The following PRDM16 variants were observed in gnomAD, a reference collection of about 807,000 sequenced individuals.
PRDM16 encodes the protein histone-lysine N-methyltransferase PRDM16.
Under a neutral mutation model 110.6 loss-of-function variants are expected in PRDM16, and 23 were observed. That is an observed-to-expected ratio of 0.21 (90% CI 0.15 to 0.29). PRDM16 has a LOEUF of 0.29. Among genes scored for constraint, PRDM16 ranks in the 10% least tolerant of loss-of-function variants. The pLI, the probability that PRDM16 is intolerant of heterozygous loss-of-function variation, is 1.00. For synonymous variants in PRDM16, 799 were observed against 781.8 expected (o/e 1.02, Z -0.37); for missense variants, 1,615 against 1,794.3 (o/e 0.90, Z 1.81).
rs755193238 is a variant in PRDM16 at position 3,411,679 on chromosome 1, C to T, written c.1482C>T (p.His494=). The change falls in exon 9 of 17, where the codon CAC becomes CAT. Residue 494 remains histidine, a synonymous_variant. Coordinates refer to ENST00000270722, the MANE Select transcript of PRDM16 (RefSeq NM_022114.4). Reference sequence around the variant, plus strand: ...ACGAGTACTTTCCCTCCAGGCCGCACCCGGGGAGCCTGCCCTTCTCCACGG... The same window carrying T: ...ACGAGTACTTTCCCTCCAGGCCGCATCCGGGGAGCCTGCCCTTCTCCACGG... The part of the protein sequence containing the change: ...GFNEYFPSRP[H]PGSLPFSTAP... The T allele has an allele frequency of 3.7e-6, 6 of 1,611,210 alleles. No homozygotes were observed. In the African/African-American group the frequency reaches 8.0e-5, roughly 22 times the overall value.
At chr1:3,320,287 G>C (rs1011540472) in intron 3 of PRDM16, among the ~76,000 whole-genome samples, 2 of 152,222 alleles carry the variant, frequency 1.3e-5, no homozygotes, top group Non-Finnish European at 2.9e-5. Context: ...GACGCATTGG[G>C]ATTTTCATGG....
intron 1 of PRDM16, among the ~76,000 whole-genome samples, chr1:3,093,045 G>T (rs1464082706): frequency 1.3e-5 from 2 of 152,180 alleles, no homozygotes; most frequent in Admixed American, 6.5e-5. Context: ...GGAACATGGG[G>T]CCAGCCCTGG....
chr1:3,437,292 G>A lies in PRDM16; in HGVS notation c.*3481G>A, dbSNP rs1206796252. On this transcript the variant is annotated 3_prime_UTR_variant, in exon 17 of 17. Transcript: ENST00000270722. ...CAGAGTCCAGCCCTGGAAATTCCAA[G>A]GGCCCTGGCGTCCTCTGCCTTCCCC... The A allele has an allele frequency of 4.3e-6, 1 of 232,770 alleles. No homozygotes were observed. Among genetic ancestry groups the A allele is most frequent in the African/African-American group, 2.2e-5 (1 of 45,314 alleles). The allele number at this position is 232,770 out of a possible 1,614,324, so 14.4% of individuals were successfully genotyped here.
chr1:3,291,065 C>T (rs959022709), intron 3 of PRDM16, among the ~76,000 whole-genome samples: 8 of 152,040 alleles, frequency 5.3e-5, no homozygotes, highest in Middle Eastern at 3.4e-3. Context: ...CAGGCAGCAC[C>T]GGCCCCACCC....
At chr1:3,170,934 C>T (rs1288035671) in intron 1 of PRDM16, among the ~76,000 whole-genome samples, 3 of 152,256 alleles carry the variant, frequency 2.0e-5, no homozygotes, top group Admixed American at 6.5e-5. Flanking sequence ...TCCCAGAGCT[C>T]GGGCTGATGG....
At chr1:3,116,502 G>T (rs952877812) in intron 1 of PRDM16, among the ~76,000 whole-genome samples, 3 of 152,154 alleles carry the variant, frequency 2.0e-5, no homozygotes, top group African/African-American at 7.2e-5. Context: ...GCAGGTCCTG[G>T]TCTGGGCTCT....
At chr1:3,432,197 A>T in intron 16 of PRDM16, 57 bp downstream of exon 16, 1 of 1,510,352 alleles carries the variant, frequency 6.6e-7, no homozygotes, top group Non-Finnish European at 9.1e-7. Context: ...GCCAGAGGAC[A>T]GCCAGCACTC....
chr1:3,127,346 C>T (rs1643230243), intron 1 of PRDM16, among the ~76,000 whole-genome samples: 1 of 152,212 alleles, frequency 6.6e-6, no homozygotes, highest in Non-Finnish European at 1.5e-5. Flanking sequence ...CCTTGCTTTT[C>T]TTGTTTGCTA....
chr1:3,080,389 T>A lies in PRDM16; in HGVS notation c.37+11093T>A, dbSNP rs1474049527. On this transcript the variant is annotated intron_variant, in intron 1 of 16. Coordinates refer to ENST00000270722, the MANE Select transcript of PRDM16 (RefSeq NM_022114.4). The surrounding 1 kb of genome is among the most constrained non-coding windows in gnomAD (Gnocchi z 5.2). ...CGGGGATTTACGGCCGACCCGCGCT[T>A]TCCGATCGGTTTCTCTACCCCGGCC... Among the ~76,000 whole-genome samples the A allele has an allele frequency of 6.6e-6, 1 of 152,212 alleles. No individual in the cohort carries two copies. The highest frequency in any genetic ancestry group is 1.5e-5 in the Non-Finnish European group (1 of 68,046).
At chr1:3,090,870 G>A (rs1044565137) in intron 1 of PRDM16, among the ~76,000 whole-genome samples, 3 of 152,164 alleles carry the variant, frequency 2.0e-5, no homozygotes, top group Admixed American at 6.5e-5. Context: ...CTCAGGCTCC[G>A]AGCCGAAAGC....
At chr1:3,125,471 C>T (rs1019065779) in intron 1 of PRDM16, among the ~76,000 whole-genome samples, 6 of 152,252 alleles carry the variant, frequency 3.9e-5, no homozygotes, top group East Asian at 3.9e-4. Flanking sequence ...CCCCACTCAG[C>T]GGCTGCTGGG....
intron 12 of PRDM16, among the ~76,000 whole-genome samples, chr1:3,423,952 G>A (rs1448621835): frequency 1.3e-5 from 2 of 152,262 alleles, no homozygotes; most frequent in African/African-American, 4.8e-5. Flanking sequence ...CGCTGCGGGC[G>A]TTCTGATGAC....
rs1643107465 is a variant in PRDM16 at position 3,381,836 on chromosome 1, G to T, written c.439-3316G>T. 2.0e-5 allele frequency among the ~76,000 whole-genome samples: 3 copies of T among 152,234 alleles called. No individual in the cohort carries two copies. The South Asian group carries it at 6.2e-4, about 32-fold the overall frequency. On this transcript the variant is annotated intron_variant, in intron 3 of 16. Transcript: ENST00000270722. ...AAAGAGACGCATGCTGAGAGGGAGA[G>T]ATACAGAGACAGACAGAGAGAAGCA...
intron 3 of PRDM16, among the ~76,000 whole-genome samples, chr1:3,378,649 T>C (rs777646397): frequency 3.9e-5 from 6 of 152,046 alleles, no homozygotes; most frequent in Non-Finnish European, 7.4e-5. Flanking sequence ...GCACCCTGCA[T>C]GGCCCTGAGT....
At chr1:3,074,445 G>A (rs765309449) in intron 1 of PRDM16, among the ~76,000 whole-genome samples, 33 of 152,134 alleles carry the variant, frequency 2.2e-4, no homozygotes, top group Admixed American at 3.9e-4. Context: ...GTGTGTGTGC[G>A]TGTCAGGGTT....
At chr1:3,079,997 C>T (rs555196115) in intron 1 of PRDM16, among the ~76,000 whole-genome samples, 1 of 152,352 alleles carries the variant, frequency 6.6e-6, no homozygotes, top group East Asian at 1.9e-4. Flanking sequence ...GCCCACCCGG[C>T]CCAAAGCTGT....
At chr1:3,288,267 C>A (rs894864802) in intron 3 of PRDM16, among the ~76,000 whole-genome samples, 2 of 152,204 alleles carry the variant, frequency 1.3e-5, no homozygotes, top group Non-Finnish European at 2.9e-5. Flanking sequence ...GCAGCTGAGA[C>A]CTAGGGGCCT....
chr1:3,267,806 G>A (rs1354989024), intron 3 of PRDM16, among the ~76,000 whole-genome samples: 3 of 152,192 alleles, frequency 2.0e-5, no homozygotes, highest in Non-Finnish European at 2.9e-5. Context: ...AGTGGGTGTC[G>A]GTGGCAGCAT....
intron 1 of PRDM16, among the ~76,000 whole-genome samples, chr1:3,072,149 G>A (rs954416237): frequency 2.0e-5 from 3 of 152,208 alleles, no homozygotes; most frequent in African/African-American, 4.8e-5. Context: ...CTGAAGCCAG[G>A]GCGGTAGGGC....
Sources: gnomAD v4.1 joint callset for allele counts (sites outside exome capture counted in the v4.1 genomes callset) on GRCh38, gnomAD v4.1.1 for gene constraint, Gnocchi (gnomAD v3.1) non-coding constraint, MANE v1.5 for transcripts, NCBI Gene and HGNC (gene_info 2026-07-23, HGNC 2026-07-21) for gene names.